NTRK1: variants seen among roughly 807,000 people sequenced by gnomAD.
The protein encoded by NTRK1 is neurotrophic receptor tyrosine kinase 1, also known as high affinity nerve growth factor receptor.
NTRK1 carries 62 observed loss-of-function variants against 86.8 expected under a neutral mutation model. The observed-to-expected ratio is 0.71, with a 90% CI of 0.58 to 0.88. NTRK1 has a LOEUF of 0.88. NTRK1 is among the 40% of genes least tolerant of loss of function. NTRK1 has a pLI of 0.00. For synonymous variants in NTRK1, 469 were observed against 456.6 expected (o/e 1.03, Z -0.35); for missense variants, 967 against 1,078.4 (o/e 0.90, Z 1.45).
rs534756904 is a variant in NTRK1, at chr1:156,867,925, G to A, written c.429-179G>A. ...TCTGACCTTGTGATCCGCCCGCCTC[G>A]GCCTCCCAATGGCCTATTTCTTTGA... On this transcript the variant is annotated intron_variant, in intron 4 of 16. Transcript: ENST00000524377. Among the ~76,000 whole-genome samples the A allele has an allele frequency of 2.2e-4, 33 of 152,238 alleles. 1 individual carries two copies. Among genetic ancestry groups the A allele is most frequent in the Admixed American group, 1.3e-3 (20 of 15,298 alleles).
intron 1 of NTRK1, chr1:156,841,513 T>C: frequency 6.2e-7 from 1 of 1,613,746 alleles, no homozygotes; most frequent in Middle Eastern, 1.6e-4. Flanking sequence ...TCTCCCAGAG[T>C]ACCACGCCAA....
intron 1 of NTRK1, among the ~76,000 whole-genome samples, chr1:156,817,910 T>C (rs886215081): frequency 5.3e-5 from 8 of 152,192 alleles, no homozygotes; most frequent in Non-Finnish European, 1.0e-4. Context: ...CCCAAAGTGT[T>C]GGGATTACAG....
chr1:156,872,324 C>T (rs1233819786), intron 7 of NTRK1, among the ~76,000 whole-genome samples: 1 of 152,180 alleles, frequency 6.6e-6, no homozygotes, highest in African/African-American at 2.4e-5. Flanking sequence ...TCCCATCCCA[C>T]TCTCCCATCT....
At chr1:156,846,367 C>T in intron 2 of NTRK1, 1 of 748,580 alleles carries the variant, frequency 1.3e-6, no homozygotes, top group Non-Finnish European at 2.2e-6. Flanking sequence ...TAGGCAAATG[C>T]TCCCCCTTCT....
chr1:156,857,163 A>ATGTGTGTG (rs57324546), upstream of NTRK1, among the ~76,000 whole-genome samples: 283 of 130,622 alleles, frequency 2.2e-3, no homozygotes, highest in Middle Eastern at 0.012. Flanking sequence ...GCAGCTGTGT[A>ATGTGTGTG]TGTGTGTGTG....
chr1:156,864,709 C>G lies in NTRK1; in HGVS notation c.288-19C>G. 6.2e-7 allele frequency: 1 copy of G among 1,613,686 alleles called. No homozygotes were observed. The highest frequency in any genetic ancestry group is 1.7e-4 in the Middle Eastern group (1 of 6,060). ...AGTAGCTGAGACCTGGGGACTGATC[C>G]TCCTGCACCCCTCCCCAGCACCATC... On this transcript the variant is annotated intron_variant, in intron 2 of 16. Coordinates refer to ENST00000524377, the MANE Select transcript of NTRK1 (RefSeq NM_002529.4).
In NTRK1 at chr1:156,881,444, C is replaced by G. The variant is rs766538945; in HGVS notation, c.2206-13C>G. On this transcript the variant is annotated splice_polypyrimidine_tract_variant and intron_variant, in intron 16 of 16. Coordinates refer to ENST00000524377, the MANE Select transcript of NTRK1 (RefSeq NM_002529.4). ...CTAGTGGGCTTTCTCCTCTGTCTCT[C>G]CGGTGGCCCCAGGCAATCGACTGCA... 2.6e-6 allele frequency: 4 copies of G among 1,555,184 alleles called. No homozygotes were observed. In the South Asian group the frequency reaches 4.7e-5, roughly 18 times the overall value.
intron 7 of NTRK1, 84 bp from the exon 8 acceptor site, chr1:156,873,549 C>T (rs2102904325): frequency 8.3e-7 from 1 of 1,209,834 alleles, no homozygotes; most frequent in Non-Finnish European, 1.2e-6. Flanking sequence ...GTTCTACTCG[C>T]TTTGCCCGTG....
At chr1:156,845,477 C>T (rs1404331138) in intron 2 of NTRK1, 1 of 1,514,662 alleles carries the variant, frequency 6.6e-7, no homozygotes, top group East Asian at 2.3e-5. Context: ...CTCTGCAGCG[C>T]GTACCGCCTC....
At position 156,864,783 on chromosome 1, in the gene NTRK1, C is replaced by T. The variant is rs1655847159; in HGVS notation, c.343C>T (p.Pro115Ser). The change falls in exon 3 of 17, where the codon CCT (proline) becomes TCT (serine). Residue 115 changes from proline to serine, a missense_variant. Pro to Ser is a moderately conservative substitution (Grantham distance 74). Transcript: ENST00000524377. ...GGCGCCAGATGCCTTCCATTTCACT[C>T]CTCGGCTCAGTCGCCTGTGAGTGTG... ...FVAPDAFHFT[P>S]RLSRLNLSFN... 1 of 1,613,830 alleles carries T rather than the reference C, an allele frequency of 6.2e-7. No individual in the cohort carries two copies. The highest frequency in any genetic ancestry group is 8.5e-7 in the Non-Finnish European group (1 of 1,179,988).
intron 2 of NTRK1, chr1:156,845,208 G>C (rs753673150): frequency 3.7e-6 from 6 of 1,609,332 alleles, no homozygotes; most frequent in South Asian, 1.1e-5. Context: ...GCTCGCTCAC[G>C]GGGCACCTTG....
intron 4 of NTRK1, among the ~76,000 whole-genome samples, chr1:156,867,895 G>A (rs563946983): frequency 4.7e-5 from 7 of 149,266 alleles, no homozygotes; most frequent in South Asian, 2.1e-4. Flanking sequence ...GGATGGTCTC[G>A]ATCTTCTGAC....
At chr1:156,837,862 C>G (rs1410027810) in intron 1 of NTRK1, 1 of 152,200 alleles carries the variant, frequency 6.6e-6, no homozygotes, top group African/African-American at 2.4e-5. Flanking sequence ...ACATCTAAGA[C>G]CTGGTACTCT....
At chr1:156,876,712 G>C (rs916372665) in intron 14 of NTRK1, 140 bp downstream of exon 14, 3 of 1,061,206 alleles carry the variant, frequency 2.8e-6, no homozygotes, top group Non-Finnish European at 4.1e-6. Context: ...CCGTCCCCAG[G>C]GAGCTCTGAG....
intron 1 of NTRK1, among the ~76,000 whole-genome samples, chr1:156,834,670 T>G (rs2102845260): frequency 6.6e-6 from 1 of 152,178 alleles, no homozygotes; most frequent in East Asian, 1.9e-4. Flanking sequence ...GAGTTACTTA[T>G]GTTAAATGTT....
chr1:156,875,621 C>T lies in NTRK1; in HGVS notation c.1456C>T (p.Leu486Phe), dbSNP rs772559075. 2 of 1,613,618 alleles carry T rather than the reference C, an allele frequency of 1.2e-6. No individual in the cohort carries two copies. The highest frequency in any genetic ancestry group is 2.2e-5 in the South Asian group (2 of 91,068). Residue 486 changes from leucine to phenylalanine, a missense_variant, in exon 12 of 17, where the codon CTC (leucine) becomes TTC (phenylalanine). Transcript: ENST00000524377. ...LSPTEGKGSG[L>F]QGHIIENPQY... ...CCCCACCGAGGGCAAAGGCTCTGGGCTCCAAGGCCACATCATCGAGAACCC... is the reference window on the plus strand; with the variant it reads ...CCCCACCGAGGGCAAAGGCTCTGGGTTCCAAGGCCACATCATCGAGAACCC...
chr1:156,853,808 G>T, intron 2 of NTRK1: 1 of 1,612,746 alleles, frequency 6.2e-7, no homozygotes, highest in Non-Finnish European at 8.5e-7. Context: ...GCTGAAGGTG[G>T]TCTTGGCACA....
chr1:156,861,957 G>A (rs1012412674), intron 1 of NTRK1, among the ~76,000 whole-genome samples: 2 of 152,312 alleles, frequency 1.3e-5, no homozygotes, highest in African/African-American at 2.4e-5. Context: ...GGGAGTATGC[G>A]GTAATGACTG....
chr1:156,846,180 T>A (rs1655001080), intron 2 of NTRK1: 4 of 1,474,214 alleles, frequency 2.7e-6, no homozygotes, highest in Non-Finnish European at 3.6e-6. Context: ...TACTATCTAG[T>A]AATGAGCCCT....
Sources: allele counts gnomAD v4.1 joint callset (sites outside exome capture counted in the v4.1 genomes callset), GRCh38; gene constraint gnomAD v4.1.1; transcripts MANE v1.5; gene names NCBI Gene and HGNC (gene_info 2026-07-23, HGNC 2026-07-21).